IL21R: variants seen among roughly 807,000 people sequenced by gnomAD.
The protein encoded by IL21R is interleukin-21 receptor.
Under a neutral mutation model 41.3 loss-of-function variants are expected in IL21R, and 14 were observed. That is an observed-to-expected ratio of 0.34 (90% CI 0.22 to 0.53). The LOEUF is 0.53. Ranked by LOEUF, IL21R falls within the 20% of genes least tolerant of loss-of-function variation. The probability of loss-of-function intolerance (pLI) is 0.94; values close to 1 mark genes in which losing one functional copy is unlikely to be tolerated. For missense variants in IL21R, 588 were observed against 681.6 expected (o/e 0.86, Z 1.53); for synonymous variants, 286 against 287.6 (o/e 0.99, Z 0.05).
intron 2 of IL21R, among the ~76,000 whole-genome samples, chr16:27,431,979 G>C (rs189119371): frequency 6.6e-6 from 1 of 152,210 alleles, no homozygotes; most frequent in Admixed American, 6.5e-5. Context: ...ACCACCCCCA[G>C]AGGGGACACA....
intron 1 of IL21R, among the ~76,000 whole-genome samples, chr16:27,419,427 G>A (rs942885376): frequency 4.6e-5 from 7 of 152,136 alleles, no homozygotes; most frequent in Non-Finnish European, 8.8e-5. Flanking sequence ...TGTTTTACAA[G>A]TTAACATTTT....
chr16:27,421,604 T>G (rs1254572706), intron 1 of IL21R, among the ~76,000 whole-genome samples: 1 of 152,102 alleles, frequency 6.6e-6, no homozygotes, highest in Non-Finnish European at 1.5e-5. Context: ...TTTTGTTCTG[T>G]TTTGTATTAT....
In IL21R at chr16:27,451,069, AC is replaced by A; in HGVS notation, c.*1787del. ...TGAGCCTGGGATCGGGGGGTGTGAG[AC>A]TTGGATGGGAGCACAAGAGTGGAAA... On this transcript the variant is annotated 3_prime_UTR_variant, in exon 9 of 9. Coordinates refer to ENST00000337929, the MANE Select transcript of IL21R (RefSeq NM_181078.3). 4.3e-6 allele frequency: 1 copy of A among 233,370 alleles called. No homozygotes were observed. Among genetic ancestry groups the A allele is most frequent in the Admixed American group, 5.6e-5 (1 of 17,780 alleles). The allele number at this position is 233,370 out of a possible 1,614,324, so 14.5% of individuals were successfully genotyped here.
At chr16:27,430,387 G>C (rs2087150523) in intron 2 of IL21R, among the ~76,000 whole-genome samples, 1 of 152,316 alleles carries the variant, frequency 6.6e-6, no homozygotes, top group Non-Finnish European at 1.5e-5. Context: ...GGTGTCACTG[G>C]GGGGATGAAA....
At chr16:27,440,286 A>AGAGAGAGAGAGAGAGAGAG (rs1567370101) in intron 4 of IL21R, among the ~76,000 whole-genome samples, 6 of 105,472 alleles carry the variant, frequency 5.7e-5, no homozygotes, top group African/African-American at 2.6e-4. Flanking sequence ...GAGAGCGAGC[A>AGAGAGAGAGAGAGAGAGAG]AGCGCGCGCC....
intron 1 of IL21R, among the ~76,000 whole-genome samples, chr16:27,407,343 C>G (rs1265794656): frequency 1.3e-5 from 2 of 152,110 alleles, no homozygotes; most frequent in Non-Finnish European, 2.9e-5. Context: ...AGGAGACAAA[C>G]TAGGGGATGT....
chr16:27,412,404 TCTC>T (rs202186958), intron 1 of IL21R, among the ~76,000 whole-genome samples: 1,689 of 151,624 alleles, frequency 0.011, 27 homozygotes, highest in African/African-American at 0.038. Flanking sequence ...TCCTTCTCCT[TCTC>T]CTTCTTCTTC....
intron 4 of IL21R, among the ~76,000 whole-genome samples, chr16:27,439,377 CA>C (rs1441142601): frequency 0.024 from 3,567 of 151,750 alleles, 126 homozygotes; most frequent in African/African-American, 0.076. Context: ...CACACACACA[CA>C]CACACGTACA....
chr16:27,435,200 A>G (rs2087246657), intron 3 of IL21R, among the ~76,000 whole-genome samples: 1 of 152,100 alleles, frequency 6.6e-6, no homozygotes. Context: ...GGCTGCAGTG[A>G]GCTATGATCA....
chr16:27,414,624 T>C (rs1007391365), intron 1 of IL21R, among the ~76,000 whole-genome samples: 2 of 149,918 alleles, frequency 1.3e-5, no homozygotes, highest in African/African-American at 4.9e-5. Flanking sequence ...TTTTTTGACC[T>C]ATCTATTCTT....
Position 27,442,872 on chromosome 16 carries a change from G to A in IL21R, c.353-90G>A, listed in dbSNP as rs147933341. 530 of 1,224,544 alleles carry A rather than the reference G, an allele frequency of 4.3e-4. 5 individuals carry two copies. In the East Asian group the frequency reaches 0.012, roughly 27 times the overall value. The allele number at this position is 1,224,544 out of a possible 1,614,324, so 75.9% of individuals were successfully genotyped here. On this transcript the variant is annotated intron_variant, in intron 4 of 8. Coordinates refer to ENST00000337929, the MANE Select transcript of IL21R (RefSeq NM_181078.3). ...TGGGTCAGGCATGGAGGCAGGGGTG[G>A]GGGCAGGCAGGACTTCCTCCCATCA...
At chr16:27,419,336 G>A (rs2086960867) in intron 1 of IL21R, among the ~76,000 whole-genome samples, 1 of 152,198 alleles carries the variant, frequency 6.6e-6, no homozygotes, top group Admixed American at 6.5e-5. Context: ...GTCTTCAGTG[G>A]CAAAAACACA....
At chr16:27,440,124 CG>C in intron 4 of IL21R, among the ~76,000 whole-genome samples, 1 of 151,530 alleles carries the variant, frequency 6.6e-6, no homozygotes, top group East Asian at 1.9e-4. Context: ...TCTGTCACCT[CG>C]GGGCGTGGTG....
At chr16:27,439,446 G>A (rs958645815) in intron 4 of IL21R, among the ~76,000 whole-genome samples, 1 of 150,972 alleles carries the variant, frequency 6.6e-6, no homozygotes, top group African/African-American at 2.4e-5. Context: ...GCACACACAC[G>A]CACACACTCA....
chr16:27,420,104 G>T (rs2086975406), intron 1 of IL21R, among the ~76,000 whole-genome samples: 2 of 152,002 alleles, frequency 1.3e-5, no homozygotes, highest in Admixed American at 6.6e-5. Flanking sequence ...TTGTCACACT[G>T]GTCTTGAAGT....
At chr16:27,434,517 G>A in intron 3 of IL21R, 68 bp downstream of exon 3, 2 of 982,642 alleles carry the variant, frequency 2.0e-6, no homozygotes, top group Non-Finnish European at 3.2e-6. Flanking sequence ...ATTCCCCCAG[G>A]AGGACACTGT....
At chr16:27,429,364 T>C (rs2087129356) in intron 1 of IL21R, among the ~76,000 whole-genome samples, 1 of 152,208 alleles carries the variant, frequency 6.6e-6, no homozygotes, top group South Asian at 2.1e-4. Flanking sequence ...CTTCCTCTCT[T>C]TTTCCCTCCC....
chr16:27,430,441 C>T (rs1204246600), intron 2 of IL21R, among the ~76,000 whole-genome samples: 1 of 152,182 alleles, frequency 6.6e-6, no homozygotes, highest in Non-Finnish European at 1.5e-5. Flanking sequence ...TGGCTGGCTC[C>T]CAACTCTCTG....
intron 1 of IL21R, among the ~76,000 whole-genome samples, chr16:27,404,469 G>A (rs2086707652): frequency 6.6e-6 from 1 of 152,186 alleles, no homozygotes; most frequent in Non-Finnish European, 1.5e-5. Context: ...CCATTCAAGA[G>A]AAAGCCAGCC....
Sources: allele counts gnomAD v4.1 joint callset (sites outside exome capture counted in the v4.1 genomes callset), GRCh38; gene constraint gnomAD v4.1.1; transcripts MANE v1.5; gene names NCBI Gene and HGNC (gene_info 2026-07-23, HGNC 2026-07-21).